The following SAMD5 variants were observed in gnomAD, a reference collection of about 807,000 sequenced individuals.
SAMD5 encodes the protein sterile alpha motif domain containing 5.
Under a neutral mutation model 11.3 loss-of-function variants are expected in SAMD5, and 13 were observed. That is an observed-to-expected ratio of 1.15 (90% CI 0.75 to 1.83). The LOEUF (loss-of-function observed/expected upper bound fraction) is 1.83, where lower values mean the gene tolerates loss of function less well. Among genes scored for constraint, SAMD5 ranks in the 40% most tolerant of loss-of-function variants. The pLI, the probability that SAMD5 is intolerant of heterozygous loss-of-function variation, is 0.00. For missense variants in SAMD5, 255 were observed against 239.1 expected (o/e 1.07, Z -0.44); for synonymous variants, 129 against 111.3 (o/e 1.16, Z -1.00).
At chr6:147,666,201 T>C (rs1224957983) in intron 1 of SAMD5, among the ~76,000 whole-genome samples, 2 of 152,240 alleles carry the variant, frequency 1.3e-5, no homozygotes, top group Non-Finnish European at 2.9e-5. Flanking sequence ...TCTCCCGAAG[T>C]GCTCGGATTA....
At chr6:147,867,135 C>A in the SAMD5 span, among the ~76,000 whole-genome samples, 3 of 152,188 alleles carry the variant, frequency 2.0e-5, no homozygotes, top group East Asian at 5.8e-4. Context: ...GGCCTGATGA[C>A]GGTAAAAACA....
the SAMD5 span, among the ~76,000 whole-genome samples, chr6:147,784,420 C>T: frequency 9.9e-5 from 15 of 152,264 alleles, no homozygotes; most frequent in South Asian, 2.9e-3. Flanking sequence ...ACTGGGTTAT[C>T]TGCCCAAATA....
intron 1 of SAMD5, among the ~76,000 whole-genome samples, chr6:147,608,623 G>A (rs1329845847): frequency 6.6e-6 from 1 of 152,110 alleles, no homozygotes; most frequent in Non-Finnish European, 1.5e-5. Flanking sequence ...GAGAATAGAA[G>A]GATGCTTACC....
intron 1 of SAMD5, among the ~76,000 whole-genome samples, chr6:147,673,509 C>T (rs62436328): frequency 0.024 from 3,672 of 152,032 alleles, 64 homozygotes; most frequent in South Asian, 0.07. Context: ...CACCGCACCC[C>T]GCCAAAAACC....
chr6:147,798,000 G>A, the SAMD5 span, among the ~76,000 whole-genome samples: 1 of 150,690 alleles, frequency 6.6e-6, no homozygotes, highest in East Asian at 2.0e-4. Context: ...CAATTTTGTT[G>A]ATCCTTTCAA....
At chr6:147,742,456 G>C (rs1244401886), downstream of SAMD5, among the ~76,000 whole-genome samples, 1 of 152,140 alleles carries the variant, frequency 6.6e-6, no homozygotes, top group Non-Finnish European at 1.5e-5. Flanking sequence ...ATCCTGGTAG[G>C]ATATACGTAC....
At chr6:147,684,646 G>A (rs1177358391) in intron 1 of SAMD5, among the ~76,000 whole-genome samples, 1 of 152,056 alleles carries the variant, frequency 6.6e-6, no homozygotes, top group Non-Finnish European at 1.5e-5. Flanking sequence ...TTCGATTTGA[G>A]CATCCTGGAA....
chr6:147,740,929 T>C (rs955676915), downstream of SAMD5, among the ~76,000 whole-genome samples: 17 of 152,338 alleles, frequency 1.1e-4, no homozygotes, highest in Admixed American at 8.5e-4. Context: ...TTGGCATTAC[T>C]AGGAGAAACC....
chr6:147,699,386 G>A (rs1583144492), intron 1 of SAMD5, among the ~76,000 whole-genome samples: 1 of 152,130 alleles, frequency 6.6e-6, no homozygotes, highest in East Asian at 1.9e-4. Context: ...GGTTTCCCTT[G>A]CCCCACCTAC....
At chr6:147,612,294 A>G (rs1002352503) in intron 1 of SAMD5, among the ~76,000 whole-genome samples, 19 of 152,342 alleles carry the variant, frequency 1.2e-4, no homozygotes, top group African/African-American at 4.6e-4. Context: ...AGCCTAAAGC[A>G]TAACCAGCCC....
the SAMD5 span, among the ~76,000 whole-genome samples, chr6:147,949,813 C>A: frequency 6.6e-6 from 1 of 152,296 alleles, no homozygotes; most frequent in Non-Finnish European, 1.5e-5. Context: ...TATACTTCCT[C>A]AACATTAAAT....
chr6:147,535,558 G>T (rs1389158692), intron 1 of SAMD5, among the ~76,000 whole-genome samples: 1 of 152,122 alleles, frequency 6.6e-6, no homozygotes, highest in African/African-American at 2.4e-5. Flanking sequence ...AACAAATCAT[G>T]ATAGAACTGA....
the SAMD5 span, among the ~76,000 whole-genome samples, chr6:147,838,771 C>G: frequency 9.2e-3 from 1,402 of 152,158 alleles, 28 homozygotes; most frequent in African/African-American, 0.032. Flanking sequence ...TAAATTAGAA[C>G]TTGTGAGGCA....
intron 1 of SAMD5, among the ~76,000 whole-genome samples, chr6:147,700,139 T>C (rs147175896): frequency 7.2e-4 from 109 of 152,316 alleles, no homozygotes; most frequent in African/African-American, 2.3e-3. Context: ...TTGCCTTTAT[T>C]TTCTTCAACC....
the SAMD5 span, among the ~76,000 whole-genome samples, chr6:147,794,476 A>G: frequency 6.6e-6 from 1 of 152,176 alleles, no homozygotes; most frequent in African/African-American, 2.4e-5. Context: ...AAAGACTTCC[A>G]TATAAATGCA....
the SAMD5 span, among the ~76,000 whole-genome samples, chr6:147,847,839 C>A: frequency 2.6e-5 from 4 of 152,146 alleles, no homozygotes; most frequent in African/African-American, 9.6e-5. Flanking sequence ...GGCGACAGAG[C>A]AAGACTCCAT....
the SAMD5 span, among the ~76,000 whole-genome samples, chr6:147,861,316 C>T: frequency 4.6e-5 from 7 of 152,090 alleles, no homozygotes; most frequent in African/African-American, 1.4e-4. Context: ...AGGTGCCCAC[C>T]ACCCTGCCCG....
At chr6:147,536,670 T>C (rs146594731) in intron 1 of SAMD5, among the ~76,000 whole-genome samples, 200 of 152,252 alleles carry the variant, frequency 1.3e-3, no homozygotes, top group African/African-American at 4.2e-3. Flanking sequence ...CTGTAGCTAT[T>C]ATTAAAGCTA....
the SAMD5 span, among the ~76,000 whole-genome samples, chr6:147,919,369 C>T: frequency 1.3e-5 from 2 of 152,066 alleles, no homozygotes; most frequent in African/African-American, 4.8e-5. Context: ...TGGGGGCCGT[C>T]ATGTTTTTTT....
Sources: allele counts gnomAD v4.1 joint callset (sites outside exome capture counted in the v4.1 genomes callset), GRCh38; gene constraint gnomAD v4.1.1; transcripts MANE v1.5; gene names NCBI Gene and HGNC (gene_info 2026-07-23, HGNC 2026-07-21).